The following SATB2 variants were observed in gnomAD, a reference collection of about 807,000 sequenced individuals.
The protein encoded by SATB2 is SATB homeobox 2, also known as DNA-binding protein SATB2.
SATB2 carries 1 observed loss-of-function variant against 73.4 expected under a neutral mutation model. That is an observed-to-expected ratio of 0.01 (90% CI 0.00 to 0.06). The LOEUF (loss-of-function observed/expected upper bound fraction) is 0.06. SATB2 is among the 10% of genes least tolerant of loss of function. The probability of loss-of-function intolerance (pLI) is 1.00; values close to 1 mark genes in which losing one functional copy is unlikely to be tolerated. For synonymous variants in SATB2, 397 were observed against 367.0 expected (o/e 1.08, Z -0.93); for missense variants, 459 against 945.8 (o/e 0.49, Z 6.75).
In SATB2 at chr2:199,271,910, C is replaced by T; in HGVS notation, c.*301G>A. 2.3e-6 allele frequency: 1 copy of T among 430,712 alleles called. No individual in the cohort carries two copies. The highest frequency in any genetic ancestry group is 4.3e-6 in the Non-Finnish European group (1 of 232,078). 26.7% of individuals were successfully genotyped at this position (430,712 alleles called of 1,614,324 possible). A position where few individuals can be genotyped will look rare whatever the true frequency, so the allele number is the denominator to read the frequency against. On this transcript the variant is annotated 3_prime_UTR_variant, in exon 11 of 11. Coordinates refer to ENST00000417098, the MANE Select transcript of SATB2 (RefSeq NM_001172509.2). ...AGTGCAAGGATAATGAAGGCAGAGT[C>T]TCCTGTGATTATAATGACTATGATC...
At chr2:199,311,362 C>A (rs959376028) in intron 9 of SATB2, among the ~76,000 whole-genome samples, 1 of 152,130 alleles carries the variant, frequency 6.6e-6, no homozygotes. Flanking sequence ...CCTTCAACAG[C>A]GCACCCCCAC....
At chr2:199,333,262 G>A (rs183427221) in intron 7 of SATB2, among the ~76,000 whole-genome samples, 1 of 152,172 alleles carries the variant, frequency 6.6e-6, no homozygotes, top group African/African-American at 2.4e-5. Context: ...CTGCTTCCCA[G>A]GAGTTTACCA....
intron 3 of SATB2, among the ~76,000 whole-genome samples, chr2:199,423,350 A>C (rs1028281528): frequency 6.6e-6 from 1 of 152,122 alleles, no homozygotes; most frequent in Non-Finnish European, 1.5e-5. Flanking sequence ...AAATGAGTGA[A>C]TAAAATATGA....
intron 3 of SATB2, among the ~76,000 whole-genome samples, chr2:199,388,177 G>A (rs1484678138): frequency 6.6e-6 from 1 of 152,176 alleles, no homozygotes; most frequent in Non-Finnish European, 1.5e-5. Flanking sequence ...GCCATTAGAA[G>A]TGTTTGTATT....
At chr2:199,339,150 A>T (rs1303750056) in intron 7 of SATB2, among the ~76,000 whole-genome samples, 1 of 152,104 alleles carries the variant, frequency 6.6e-6, no homozygotes, top group African/African-American at 2.4e-5. Flanking sequence ...TCATCTCCCC[A>T]AGTCTCTTTA....
At chr2:199,319,677 T>C (rs1687831224) in intron 9 of SATB2, among the ~76,000 whole-genome samples, 1 of 151,642 alleles carries the variant, frequency 6.6e-6, no homozygotes, top group Non-Finnish European at 1.5e-5. Flanking sequence ...TACCCAAACC[T>C]AGTAGGAAAA....
intron 7 of SATB2, among the ~76,000 whole-genome samples, chr2:199,331,188 A>T: frequency 6.7e-6 from 1 of 148,222 alleles, no homozygotes; most frequent in African/African-American, 2.4e-5. Context: ...AAAAATTTTA[A>T]AACACAGAGT....
chr2:199,356,989 A>G (rs945872054), intron 6 of SATB2, among the ~76,000 whole-genome samples: 1 of 152,156 alleles, frequency 6.6e-6, no homozygotes, highest in Non-Finnish European at 1.5e-5. Context: ...GGCTTCTTTA[A>G]TGTCATTATT....
At chr2:199,361,597 C>T (rs1689139164) in intron 6 of SATB2, among the ~76,000 whole-genome samples, 1 of 151,904 alleles carries the variant, frequency 6.6e-6, no homozygotes, top group East Asian at 1.9e-4. Context: ...TTCGTAAAAC[C>T]TCATTTTCAA....
Position 199,323,877 on chromosome 2 carries a change from C to T in SATB2, c.1468G>A (p.Glu490Lys), listed in dbSNP as rs746239023. The change falls in exon 9 of 11, where the codon GAG (glutamate) becomes AAG (lysine). Residue 490 changes from glutamate to lysine, a missense_variant. Coordinates refer to ENST00000417098, the MANE Select transcript of SATB2 (RefSeq NM_001172509.2). ...GCCCTTTTCATCTCCTGTTGGATCT[C>T]GTCATAAATGGCAGCTGTGATGTTG... is the stretch of plus-strand genomic sequence containing the variant. The part of the protein sequence containing the change: ...NINITAAIYD[E>K]IQQEMKRAKV... The T allele has an allele frequency of 1.2e-6, 2 of 1,613,230 alleles. No homozygotes were observed. Among genetic ancestry groups the T allele is most frequent in the Non-Finnish European group, 1.7e-6 (2 of 1,179,610 alleles).
chr2:199,315,669 T>G (rs1342501623), intron 9 of SATB2, among the ~76,000 whole-genome samples: 2 of 152,104 alleles, frequency 1.3e-5, no homozygotes, highest in Non-Finnish European at 2.9e-5. Context: ...TTCCAGTTTT[T>G]ACAATATTTC....
intron 2 of SATB2, among the ~76,000 whole-genome samples, chr2:199,451,220 A>AT (rs1171965903): frequency 6.6e-6 from 1 of 151,984 alleles, no homozygotes; most frequent in Non-Finnish European, 1.5e-5. Flanking sequence ...GAAACATCAA[A>AT]TTATGCTCAG....
chr2:199,397,942 G>T (rs975978778), intron 3 of SATB2: 1 of 215,528 alleles, frequency 4.6e-6, no homozygotes, highest in Admixed American at 6.0e-5. Flanking sequence ...ACAAAAGAAT[G>T]TTACAAGTGA....
chr2:199,419,139 A>G (rs1007786865), intron 3 of SATB2, among the ~76,000 whole-genome samples: 1 of 152,186 alleles, frequency 6.6e-6, no homozygotes, highest in Non-Finnish European at 1.5e-5. Flanking sequence ...CAAGACAAAC[A>G]AATGACTGTG....
intron 9 of SATB2, among the ~76,000 whole-genome samples, chr2:199,318,023 T>C (rs755471228): frequency 1.3e-5 from 2 of 152,076 alleles, no homozygotes; most frequent in African/African-American, 2.4e-5. Flanking sequence ...AACTGGTCCA[T>C]GATAGGCTCT....
chr2:199,444,871 A>G (rs1372026326), intron 2 of SATB2, among the ~76,000 whole-genome samples: 4 of 152,206 alleles, frequency 2.6e-5, no homozygotes, highest in Non-Finnish European at 5.9e-5. Context: ...ATCGACAAAC[A>G]GCTATGTTTT....
intron 5 of SATB2, 40 bp from the exon 6 acceptor site, chr2:199,368,747 T>A: frequency 8.3e-7 from 1 of 1,211,510 alleles, no homozygotes; most frequent in Non-Finnish European, 1.2e-6. Flanking sequence ...AAAATATGAC[T>A]ACTTCTTTTT....
In SATB2 at chr2:199,463,953, G is replaced by A. The variant is rs1022306958; in HGVS notation, c.-141+883C>T. The stretch of plus-strand genomic sequence containing the variant: ...TGCCTCCCGAACGCTTTGAGGCTAT[G>A]GGCCCACGCCGGTCTTGAACCAAGC... On this transcript the variant is annotated intron_variant, in intron 1 of 11. Transcript: ENST00000260926. This position sits in a 1 kb window ranked among gnomAD's most constrained non-coding sequence, Gnocchi z 6.4. Among the ~76,000 whole-genome samples the A allele has an allele frequency of 1.3e-4, 20 of 152,148 alleles. No individual in the cohort carries two copies. The highest frequency in any genetic ancestry group is 2.5e-4 in the Non-Finnish European group (17 of 68,024).
chr2:199,436,313 A>G (rs187146327), intron 2 of SATB2, among the ~76,000 whole-genome samples: 36 of 152,328 alleles, frequency 2.4e-4, no homozygotes, highest in African/African-American at 8.7e-4. Context: ...CAATTACTGA[A>G]ATAGTTCCTA....
Sources: allele counts gnomAD v4.1 joint callset (sites outside exome capture counted in the v4.1 genomes callset), GRCh38; gene constraint gnomAD v4.1.1; non-coding constraint Gnocchi (gnomAD v3.1); transcripts MANE v1.5; gene names NCBI Gene and HGNC (gene_info 2026-07-23, HGNC 2026-07-21).